Variants in RAB7A observed in about 807,000 individuals in gnomAD.
RAB7A encodes the protein ras-related protein Rab-7a.
In RAB7A, 2 loss-of-function variants were observed where a neutral mutation model predicts 24.5. That is an observed-to-expected ratio of 0.08 (90% CI 0.03 to 0.26). RAB7A has a LOEUF of 0.26. RAB7A is among the 10% of genes least tolerant of loss of function. The pLI, the probability that RAB7A is intolerant of heterozygous loss-of-function variation, is 1.00. For missense variants in RAB7A, 118 were observed against 255.7 expected, an observed-to-expected ratio of 0.46 and a Z score of 3.67; for synonymous variants, 100 against 95.9, an observed-to-expected ratio of 1.04 and a Z score of -0.25.
chr3:128,742,074 T>C (rs963380808), intron 1 of RAB7A, among the ~76,000 whole-genome samples: 1 of 152,188 alleles, frequency 6.6e-6, no homozygotes, highest in African/African-American at 2.4e-5. Context: ...CCTTCTGATG[T>C]TCGGACATGT....
intron 2 of RAB7A, 135 bp downstream of exon 2, chr3:128,795,555 A>C (rs1469680519): frequency 5.0e-6 from 4 of 803,234 alleles, no homozygotes; most frequent in Non-Finnish European, 8.8e-6. Context: ...CCTCCACGGC[A>C]GAAATTTAGA....
chr3:128,771,365 G>A (rs1932931136), intron 1 of RAB7A, among the ~76,000 whole-genome samples: 1 of 152,106 alleles, frequency 6.6e-6, no homozygotes, highest in Non-Finnish European at 1.5e-5. Context: ...TAATTGCGCT[G>A]GCTAAAGAAC....
intron 1 of RAB7A, among the ~76,000 whole-genome samples, chr3:128,756,844 C>CTTTT (rs577316612): frequency 7.2e-6 from 1 of 139,496 alleles, no homozygotes; most frequent in African/African-American, 2.7e-5. Context: ...TATTCGCTAT[C>CTTTT]TTTTTTTTTT....
At chr3:128,776,607 C>T (rs772580242) in intron 1 of RAB7A, among the ~76,000 whole-genome samples, 3 of 152,156 alleles carry the variant, frequency 2.0e-5, no homozygotes, top group Non-Finnish European at 2.9e-5. Context: ...TTGATCCATT[C>T]GTCCATGGAT....
chr3:128,777,274 G>T (rs1298221562), intron 1 of RAB7A, among the ~76,000 whole-genome samples: 1 of 151,998 alleles, frequency 6.6e-6, no homozygotes, highest in African/African-American at 2.4e-5. Context: ...GCTCGCTACA[G>T]CCTTGACATC....
intron 1 of RAB7A, among the ~76,000 whole-genome samples, chr3:128,745,593 T>A (rs2070604969): frequency 6.6e-6 from 1 of 152,146 alleles, no homozygotes; most frequent in South Asian, 2.1e-4. Context: ...CTCGAATTCC[T>A]GACCTCAAGT....
intron 1 of RAB7A, among the ~76,000 whole-genome samples, chr3:128,751,857 T>C (rs1444795962): frequency 6.6e-6 from 1 of 152,242 alleles, no homozygotes; most frequent in African/African-American, 2.4e-5. Flanking sequence ...AATTGAATCA[T>C]GGGTGCAGGT....
chr3:128,733,689 C>G (rs2070459576), intron 1 of RAB7A, among the ~76,000 whole-genome samples: 1 of 152,116 alleles, frequency 6.6e-6, no homozygotes, highest in African/African-American at 2.4e-5. Context: ...TTTTAGGACA[C>G]CAGTCGTATT....
At chr3:128,737,836 T>A (rs1353801038) in intron 1 of RAB7A, among the ~76,000 whole-genome samples, 2 of 76,154 alleles carry the variant, frequency 2.6e-5, no homozygotes, top group African/African-American at 1.1e-4. Flanking sequence ...TTTTTTTTTT[T>A]TTTTTTTTTT....
chr3:128,791,695 A>G (rs1226917218), intron 1 of RAB7A, among the ~76,000 whole-genome samples: 3 of 152,256 alleles, frequency 2.0e-5, no homozygotes, highest in Non-Finnish European at 2.9e-5. Flanking sequence ...CTTTTGTTTC[A>G]TGGAACACAG....
chr3:128,765,158 G>A (rs2070817934), intron 1 of RAB7A: 2 of 698,350 alleles, frequency 2.9e-6, no homozygotes, highest in Admixed American at 2.0e-5. Flanking sequence ...GACGAGCGCT[G>A]GGTTCCGTCC....
chr3:128,758,713 C>A (rs921315019), intron 1 of RAB7A, among the ~76,000 whole-genome samples: 1 of 152,126 alleles, frequency 6.6e-6, no homozygotes. Flanking sequence ...TTAGTTTTCT[C>A]ATATATCAGA....
At chr3:128,779,169 T>G (rs1422693341) in intron 1 of RAB7A, among the ~76,000 whole-genome samples, 1 of 152,160 alleles carries the variant, frequency 6.6e-6, no homozygotes, top group East Asian at 1.9e-4. Flanking sequence ...ATCCCAGCAC[T>G]TTGGGAGGCT....
At chr3:128,741,541 A>G (rs1010728131) in intron 1 of RAB7A, among the ~76,000 whole-genome samples, 5 of 151,110 alleles carry the variant, frequency 3.3e-5, no homozygotes, top group African/African-American at 9.7e-5. Context: ...TTTTATTTTT[A>G]TTTTAAATAG....
intron 1 of RAB7A, among the ~76,000 whole-genome samples, chr3:128,759,700 T>C (rs1333631921): frequency 6.6e-6 from 1 of 152,094 alleles, no homozygotes; most frequent in African/African-American, 2.4e-5. Context: ...TATCTGCCCG[T>C]GTATGATGGT....
At chr3:128,732,667 A>C (rs1219743576) in intron 1 of RAB7A, among the ~76,000 whole-genome samples, 1 of 152,086 alleles carries the variant, frequency 6.6e-6, no homozygotes, top group African/African-American at 2.4e-5. Flanking sequence ...CATCTCTACA[A>C]AGAAAAGAAA....
At chr3:128,726,924 C>T (rs1485132096) in intron 1 of RAB7A, among the ~76,000 whole-genome samples, 1 of 152,218 alleles carries the variant, frequency 6.6e-6, no homozygotes, top group Non-Finnish European at 1.5e-5. Flanking sequence ...TACATTGAGG[C>T]GCCTCTGGCG....
chr3:128,727,885 G>A (rs2070396176), intron 1 of RAB7A, among the ~76,000 whole-genome samples: 1 of 152,076 alleles, frequency 6.6e-6, no homozygotes, highest in Admixed American at 6.6e-5. Context: ...TGAGTTAGGA[G>A]TACTTCTTCT....
chr3:128,798,120 C>G, intron 3 of RAB7A, 51 bp downstream of exon 3: 2 of 1,599,394 alleles, frequency 1.3e-6, no homozygotes, highest in Non-Finnish European at 1.7e-6. Flanking sequence ...TTCATTTAGT[C>G]TTAATCTTTC....
Sources: gnomAD v4.1 joint callset for allele counts (sites outside exome capture counted in the v4.1 genomes callset) on GRCh38, gnomAD v4.1.1 for gene constraint, MANE v1.5 for transcripts, NCBI Gene and HGNC (gene_info 2026-07-23, HGNC 2026-07-21) for gene names.